NXPE2: variants seen among roughly 807,000 people sequenced by gnomAD.
NXPE2 encodes neurexophilin and PC-esterase domain family member 2.
Under a neutral mutation model 34.4 loss-of-function variants are expected in NXPE2, and 34 were observed. The observed-to-expected ratio is 0.99, with a 90% CI of 0.75 to 1.31. The LOEUF (loss-of-function observed/expected upper bound fraction) is 1.31. Ranked by LOEUF, NXPE2 falls within the 40% of genes most tolerant of loss-of-function variation. The pLI is 0.00. For synonymous variants in NXPE2, 235 were observed against 231.3 expected (o/e 1.02, Z -0.15); for missense variants, 649 against 672.5 (o/e 0.97, Z 0.39).
chr11:114,656,621 A>T, the NXPE2 span, among the ~76,000 whole-genome samples: 4 of 152,128 alleles, frequency 2.6e-5, no homozygotes, highest in African/African-American at 9.6e-5. Flanking sequence ...GTACTGATAA[A>T]CAACTTCAGC....
At chr11:114,630,457 AC>A in the NXPE2 span, among the ~76,000 whole-genome samples, 1 of 151,810 alleles carries the variant, frequency 6.6e-6, no homozygotes, top group Non-Finnish European at 1.5e-5. Flanking sequence ...TGCTGGGAAA[AC>A]TGGCTAGCCA....
chr11:114,733,978 A>G, the NXPE2 span, among the ~76,000 whole-genome samples: 1 of 152,192 alleles, frequency 6.6e-6, no homozygotes, highest in Non-Finnish European at 1.5e-5. Flanking sequence ...TTATTCCTTC[A>G]AACAATGTCT....
the NXPE2 span, among the ~76,000 whole-genome samples, chr11:114,810,523 C>T: frequency 6.6e-6 from 1 of 152,024 alleles, no homozygotes; most frequent in East Asian, 1.9e-4. Flanking sequence ...AAAGAGTGGG[C>T]AAAGGATATG....
chr11:114,561,348 C>T, the NXPE2 span, among the ~76,000 whole-genome samples: 58,283 of 152,006 alleles, frequency 0.38, 11,554 homozygotes, highest in East Asian at 0.66. Flanking sequence ...CTCAGCGTAA[C>T]GTCCACGATG....
At chr11:114,730,995 A>G in the NXPE2 span, among the ~76,000 whole-genome samples, 1 of 152,072 alleles carries the variant, frequency 6.6e-6, no homozygotes, top group East Asian at 1.9e-4. Flanking sequence ...TGCTTCCCTC[A>G]GCTTTTGCCT....
At chr11:114,481,241 G>C in the NXPE2 span, among the ~76,000 whole-genome samples, 2 of 152,168 alleles carry the variant, frequency 1.3e-5, no homozygotes, top group East Asian at 3.8e-4. Flanking sequence ...AGAATGATCA[G>C]AGAGCTTTGA....
chr11:114,703,846 A>G, intron 3 of NXPE2, 145 bp from the exon 4 acceptor site: 3 of 636,430 alleles, frequency 4.7e-6, no homozygotes. Context: ...ATCCTGACCC[A>G]TTAACTTCCC....
chr11:114,762,697 C>T, the NXPE2 span, among the ~76,000 whole-genome samples: 1,870 of 152,262 alleles, frequency 0.012, 34 homozygotes, highest in African/African-American at 0.041. Context: ...ATTCCCTGGA[C>T]ACCTTTGAAA....
At chr11:114,681,628 T>C (rs1178887972) in intron 2 of NXPE2, among the ~76,000 whole-genome samples, 1 of 152,140 alleles carries the variant, frequency 6.6e-6, no homozygotes, top group African/African-American at 2.4e-5. Context: ...TCCCACCTCT[T>C]AGCATTCCCC....
chr11:114,634,501 C>A, the NXPE2 span, among the ~76,000 whole-genome samples: 2 of 152,012 alleles, frequency 1.3e-5, no homozygotes, highest in African/African-American at 2.4e-5. Context: ...GCTTTTGTTG[C>A]TATTGCTTTT....
the NXPE2 span, among the ~76,000 whole-genome samples, chr11:114,567,967 A>G: frequency 2.7e-4 from 41 of 152,216 alleles, no homozygotes; most frequent in African/African-American, 9.1e-4. Flanking sequence ...CTTTCGATAT[A>G]TATATATACT....
the NXPE2 span, among the ~76,000 whole-genome samples, chr11:114,637,849 G>A: frequency 6.6e-6 from 1 of 152,116 alleles, no homozygotes; most frequent in African/African-American, 2.4e-5. Flanking sequence ...AGTCTGATGG[G>A]CTTCCCTTTG....
At chr11:114,652,798 G>C in the NXPE2 span, among the ~76,000 whole-genome samples, 7 of 152,176 alleles carry the variant, frequency 4.6e-5, no homozygotes, top group Non-Finnish European at 8.8e-5. Context: ...GGCATCTATG[G>C]CACACTGGAA....
the NXPE2 span, among the ~76,000 whole-genome samples, chr11:114,594,420 C>T: frequency 2.0e-5 from 3 of 152,110 alleles, no homozygotes; most frequent in Admixed American, 2.0e-4. Flanking sequence ...ATGAGCTAAG[C>T]ATTGAAGAAG....
chr11:114,526,504 G>A, the NXPE2 span: 29 of 65,990 alleles, frequency 4.4e-4, no homozygotes, highest in African/African-American at 1.5e-3. Flanking sequence ...CCACAAAGTG[G>A]ATCATACCAC....
chr11:114,669,534 G>T, the NXPE2 span, among the ~76,000 whole-genome samples: 8 of 152,098 alleles, frequency 5.3e-5, no homozygotes, highest in African/African-American at 1.9e-4. Flanking sequence ...TCTCTACCCA[G>T]CCCCTACTTA....
chr11:114,493,059 C>T, the NXPE2 span, among the ~76,000 whole-genome samples: 1 of 151,878 alleles, frequency 6.6e-6, no homozygotes, highest in Non-Finnish European at 1.5e-5. Context: ...ATATAATGCC[C>T]TTCTTTGTCT....
At chr11:114,533,996 G>GT in the NXPE2 span, among the ~76,000 whole-genome samples, 26 of 152,328 alleles carry the variant, frequency 1.7e-4, no homozygotes, top group African/African-American at 6.0e-4. Context: ...CCTCAAGTGG[G>GT]TCCCTGACCC....
chr11:114,703,899 T>A, intron 3 of NXPE2, 92 bp from the exon 4 acceptor site: 2 of 888,306 alleles, frequency 2.3e-6, no homozygotes, highest in Admixed American at 4.2e-5. Flanking sequence ...GAAAGGCATT[T>A]GGAGAAGAGA....
Sources: allele counts gnomAD v4.1 joint callset (sites outside exome capture counted in the v4.1 genomes callset), GRCh38; gene constraint gnomAD v4.1.1; transcripts MANE v1.5; gene names NCBI Gene and HGNC (gene_info 2026-07-23, HGNC 2026-07-21).